STXBP4: variants seen among roughly 807,000 people sequenced by gnomAD.
STXBP4 encodes syntaxin-binding protein 4.
A neutral mutation model predicts 76.1 loss-of-function variants in STXBP4; 55 were observed. The ratio of observed to expected loss-of-function variants is 0.72; its 90% CI spans 0.58 to 0.91. STXBP4 has a LOEUF of 0.91. Ranked by LOEUF, STXBP4 falls within the 40% of genes least tolerant of loss-of-function variation. The pLI, the probability that STXBP4 is intolerant of heterozygous loss-of-function variation, is 0.00. For missense variants in STXBP4, 618 were observed against 636.9 expected (o/e 0.97, Z 0.32); for synonymous variants, 201 against 220.2 (o/e 0.91, Z 0.77).
At chr17:55,137,955 AT>A (rs2145141938) in intron 16 of STXBP4, among the ~76,000 whole-genome samples, 2 of 152,150 alleles carry the variant, frequency 1.3e-5, no homozygotes, top group African/African-American at 4.8e-5. Context: ...ATAACTTTTT[AT>A]TTCTCTAATT....
intron 4 of STXBP4, among the ~76,000 whole-genome samples, chr17:54,994,554 G>C (rs936403493): frequency 3.3e-5 from 5 of 152,040 alleles, no homozygotes; most frequent in Non-Finnish European, 7.4e-5. Context: ...AATATCTCTT[G>C]AACCCATCAG....
intron 12 of STXBP4, among the ~76,000 whole-genome samples, chr17:55,050,447 A>G (rs550433861): frequency 6.6e-6 from 1 of 152,236 alleles, no homozygotes; most frequent in South Asian, 2.1e-4. Context: ...TTCTAAAATC[A>G]TTAAGTCAAA....
At chr17:55,135,780 A>G (rs1003253404) in intron 16 of STXBP4, among the ~76,000 whole-genome samples, 5 of 152,188 alleles carry the variant, frequency 3.3e-5, no homozygotes, top group African/African-American at 1.2e-4. Context: ...CTTTTAAATA[A>G]TAATGCACAA....
downstream of STXBP4, among the ~76,000 whole-genome samples, chr17:55,176,595 G>T (rs2080431819): frequency 6.6e-6 from 1 of 152,214 alleles, no homozygotes; most frequent in African/African-American, 2.4e-5. Flanking sequence ...AGGCACAAAA[G>T]ATCTTAAGTA....
At chr17:55,106,059 T>TA (rs1362256522) in intron 16 of STXBP4, among the ~76,000 whole-genome samples, 1 of 152,124 alleles carries the variant, frequency 6.6e-6, no homozygotes, top group Non-Finnish European at 1.5e-5. Context: ...AGTGGGATGT[T>TA]AAAGTCTCCC....
At chr17:55,076,622 A>C (rs1290033604) in intron 13 of STXBP4, among the ~76,000 whole-genome samples, 3 of 152,174 alleles carry the variant, frequency 2.0e-5, no homozygotes, top group Non-Finnish European at 4.4e-5. Context: ...ATGATGAATC[A>C]TGTGTGAACT....
chr17:55,211,045 T>A, the STXBP4 span, among the ~76,000 whole-genome samples: 2 of 152,144 alleles, frequency 1.3e-5, no homozygotes, highest in Non-Finnish European at 2.9e-5. Flanking sequence ...AGTTTTCATG[T>A]TCAAAGAGGT....
intron 4 of STXBP4, among the ~76,000 whole-genome samples, chr17:54,996,581 GTTAC>G (rs1338338638): frequency 6.6e-6 from 1 of 152,104 alleles, no homozygotes; most frequent in Non-Finnish European, 1.5e-5. Flanking sequence ...ATTTACATAT[GTTAC>G]TTAATTCTTA....
At chr17:55,105,472 T>TC (rs149430732) in intron 16 of STXBP4, among the ~76,000 whole-genome samples, 134 of 101,384 alleles carry the variant, frequency 1.3e-3, no homozygotes, top group East Asian at 7.8e-3. Flanking sequence ...TCTTTTCTTT[T>TC]TTTTTTTTTT....
chr17:55,043,615 C>A, intron 11 of STXBP4: 1 of 1,549,472 alleles, frequency 6.5e-7, no homozygotes, highest in Non-Finnish European at 8.7e-7. Flanking sequence ...TCATTAGTGG[C>A]CAGGGCAGAA....
the STXBP4 span, among the ~76,000 whole-genome samples, chr17:55,197,568 C>T: frequency 1.3e-5 from 2 of 151,870 alleles, no homozygotes; most frequent in Non-Finnish European, 2.9e-5. Context: ...ACGGTGAAAT[C>T]CTGTTTCTAC....
chr17:54,994,091 G>A, intron 4 of STXBP4, among the ~76,000 whole-genome samples: 1 of 152,224 alleles, frequency 6.6e-6, no homozygotes, highest in Non-Finnish European at 1.5e-5. Context: ...TTCAGTTCAA[G>A]CAGAACCAAG....
intron 4 of STXBP4, among the ~76,000 whole-genome samples, chr17:54,995,379 C>T (rs946333098): frequency 6.6e-6 from 1 of 152,106 alleles, no homozygotes; most frequent in Non-Finnish European, 1.5e-5. Context: ...GGAAAGCAGA[C>T]AGAAATCAAA....
the STXBP4 span, among the ~76,000 whole-genome samples, chr17:55,202,677 A>T: frequency 6.6e-6 from 1 of 152,228 alleles, no homozygotes. Context: ...TCTTGAAAGG[A>T]TTTAATAGGC....
At chr17:54,986,513 G>A (rs950870086) in intron 3 of STXBP4, among the ~76,000 whole-genome samples, 2 of 152,070 alleles carry the variant, frequency 1.3e-5, no homozygotes, top group Non-Finnish European at 2.9e-5. Context: ...CAGCTGCTCG[G>A]GAGACTAGGA....
the STXBP4 span, among the ~76,000 whole-genome samples, chr17:55,184,691 T>A: frequency 6.6e-6 from 1 of 152,220 alleles, no homozygotes; most frequent in Non-Finnish European, 1.5e-5. Flanking sequence ...AACTGAGGAA[T>A]TATTCCAGAG....
Position 54,986,137 on chromosome 17 carries a change from C to T in STXBP4, c.-78-5C>T, listed in dbSNP as rs2077623445. The T allele has an allele frequency of 3.3e-6, 4 of 1,197,946 alleles. No individual in the cohort carries two copies. Among genetic ancestry groups the T allele is most frequent in the Non-Finnish European group, 4.9e-6 (4 of 824,208 alleles). The allele number at this position is 1,197,946 out of a possible 1,614,324, so 74.2% of individuals were successfully genotyped here. A position where few individuals can be genotyped will look rare whatever the true frequency, so the allele number is the denominator to read the frequency against. ...ACAATTTATTTTCTACTTCTTCAATCCTAGGAAAAGAAGAATTTCTAGACT... is the reference window on the plus strand; with the variant it reads ...ACAATTTATTTTCTACTTCTTCAATTCTAGGAAAAGAAGAATTTCTAGACT... On this transcript the variant is annotated splice_region_variant and splice_polypyrimidine_tract_variant and intron_variant, in intron 2 of 17. Coordinates refer to ENST00000376352, the MANE Select transcript of STXBP4 (RefSeq NM_178509.6).
chr17:55,169,592 G>A lies in STXBP4; in HGVS notation c.*9681G>A, dbSNP rs552017425. ...CTAAAGACGCTTAGATGTGAAAAATGTGTGTCTTAGAATCGATAAAATATG... is the reference window on the plus strand; with the variant it reads ...CTAAAGACGCTTAGATGTGAAAAATATGTGTCTTAGAATCGATAAAATATG... On this transcript the variant is annotated 3_prime_UTR_variant, in exon 18 of 18. Coordinates refer to ENST00000376352, the MANE Select transcript of STXBP4 (RefSeq NM_178509.6). 3.3e-5 allele frequency: 5 copies of A among 152,194 alleles called. No homozygotes were observed. The highest frequency in any genetic ancestry group is 7.2e-5 in the African/African-American group (3 of 41,444). The allele number at this position is 152,194 out of a possible 1,614,324, so 9.4% of individuals were successfully genotyped here.
chr17:55,177,527 C>T (rs976842706), downstream of STXBP4, among the ~76,000 whole-genome samples: 7 of 152,282 alleles, frequency 4.6e-5, no homozygotes, highest in South Asian at 6.2e-4. Context: ...TCTGTGTAGT[C>T]CTCTGACTCA....
Sources: allele counts gnomAD v4.1 joint callset (sites outside exome capture counted in the v4.1 genomes callset), GRCh38; gene constraint gnomAD v4.1.1; transcripts MANE v1.5; gene names NCBI Gene and HGNC (gene_info 2026-07-23, HGNC 2026-07-21).